FBXL7: variants seen among roughly 807,000 people sequenced by gnomAD.
The protein encoded by FBXL7 is F-box/LRR-repeat protein 7.
A neutral mutation model predicts 38.3 loss-of-function variants in FBXL7; 12 were observed. The observed-to-expected ratio is 0.31, with a 90% CI of 0.20 to 0.51. FBXL7 has a LOEUF of 0.51. Ranked by LOEUF, FBXL7 falls within the 20% of genes least tolerant of loss-of-function variation. The pLI, the probability that FBXL7 is intolerant of heterozygous loss-of-function variation, is 0.98. For synonymous variants in FBXL7, 297 were observed against 300.9 expected (o/e 0.99, Z 0.13); for missense variants, 567 against 676.4 (o/e 0.84, Z 1.79).
chr5:15,570,275 AT>A (rs1738730376), intron 1 of FBXL7, among the ~76,000 whole-genome samples: 1 of 152,088 alleles, frequency 6.6e-6, no homozygotes, highest in Non-Finnish European at 1.5e-5. Flanking sequence ...AGAGCCTGTT[AT>A]TGGTCTATTC....
At chr5:15,558,619 A>G (rs891984615) in intron 1 of FBXL7, among the ~76,000 whole-genome samples, 1 of 152,246 alleles carries the variant, frequency 6.6e-6, no homozygotes, top group African/African-American at 2.4e-5. Context: ...TTCCTAAATA[A>G]ACTGGAGCTG....
At chr5:15,686,083 G>C (rs1311398301) in intron 2 of FBXL7, among the ~76,000 whole-genome samples, 1 of 152,126 alleles carries the variant, frequency 6.6e-6, no homozygotes, top group Non-Finnish European at 1.5e-5. Context: ...TTGGACTTCA[G>C]GGTCTATGCA....
intron 2 of FBXL7, among the ~76,000 whole-genome samples, chr5:15,722,550 A>G (rs1744227250): frequency 6.6e-6 from 1 of 152,158 alleles, no homozygotes; most frequent in Non-Finnish European, 1.5e-5. Context: ...AGTGCAGTGG[A>G]ACACATCCTC....
intron 1 of FBXL7, among the ~76,000 whole-genome samples, chr5:15,596,528 T>C (rs1448862881): frequency 2.0e-5 from 3 of 152,170 alleles, no homozygotes; most frequent in Non-Finnish European, 2.9e-5. Flanking sequence ...GGTAAGGCAC[T>C]TGAAAAGTAA....
chr5:15,920,204 C>CCAAGATTG (rs1430282266), intron 2 of FBXL7, among the ~76,000 whole-genome samples: 1 of 151,944 alleles, frequency 6.6e-6, no homozygotes, highest in Non-Finnish European at 1.5e-5. Context: ...TTGCAGTGAG[C>CCAAGATTG]CAAGATTGCA....
At position 15,928,383 on chromosome 5, in the gene FBXL7, C is replaced by T. The variant is rs372355050; in HGVS notation, c.621C>T (p.Ile207=). ...RRLTDRGLYT[I]AQCCPELRRL... ...TCACAGACCGAGGGCTGTACACCAT[C>T]GCCCAGTGCTGCCCCGAACTGAGGC... The change falls in exon 3 of 4, where the codon ATC becomes ATT. Residue 207 remains isoleucine, a synonymous_variant. Transcript: ENST00000504595. The surrounding 1 kb of genome is among the most constrained non-coding windows in gnomAD (Gnocchi z 4.0). 152 of 1,613,952 alleles carry T rather than the reference C, an allele frequency of 9.4e-5. No individual in the cohort carries two copies. The highest frequency in any genetic ancestry group is 1.2e-4 in the Non-Finnish European group (145 of 1,179,912).
intron 1 of FBXL7, among the ~76,000 whole-genome samples, chr5:15,557,149 AG>A (rs1173124468): frequency 6.6e-6 from 1 of 152,208 alleles, no homozygotes; most frequent in African/African-American, 2.4e-5. Flanking sequence ...CATGTTAGCC[AG>A]GATGGTCTCC....
At chr5:15,840,623 T>A (rs902829924) in intron 2 of FBXL7, among the ~76,000 whole-genome samples, 1 of 152,004 alleles carries the variant, frequency 6.6e-6, no homozygotes, top group Non-Finnish European at 1.5e-5. Flanking sequence ...CCGAGCCAGG[T>A]GGATCACGAG....
chr5:15,699,336 C>T (rs775070280), intron 2 of FBXL7, among the ~76,000 whole-genome samples: 2 of 152,130 alleles, frequency 1.3e-5, no homozygotes, highest in African/African-American at 2.4e-5. Context: ...CTGTGGGTAG[C>T]GACCTTCCCT....
Position 15,849,736 on chromosome 5 carries a change from C to T in FBXL7, c.128-78154C>T, listed in dbSNP as rs115876719. Among the ~76,000 whole-genome samples the T allele has an allele frequency of 8.7e-3, 1,329 of 152,236 alleles. 21 individuals carry two copies. The highest frequency in any genetic ancestry group is 0.03 in the African/African-American group (1,265 of 41,542). On this transcript the variant is annotated intron_variant, in intron 2 of 3. Transcript: ENST00000504595. Reference sequence around the variant, plus strand: ...AAGACATCCCTACAAATTCAAAATGCAAATTTTCATGTTTGTTTTTAACTT... The same window carrying T: ...AAGACATCCCTACAAATTCAAAATGTAAATTTTCATGTTTGTTTTTAACTT...
At chr5:15,811,292 A>G (rs922909925) in intron 2 of FBXL7, among the ~76,000 whole-genome samples, 4 of 152,112 alleles carry the variant, frequency 2.6e-5, no homozygotes, top group Non-Finnish European at 5.9e-5. Context: ...ATGGAAATGT[A>G]TTTTCTCACA....
chr5:15,853,671 A>T (rs1739168832), intron 2 of FBXL7, among the ~76,000 whole-genome samples: 2 of 152,162 alleles, frequency 1.3e-5, no homozygotes, highest in South Asian at 4.1e-4. Context: ...GCATGCTCTG[A>T]CTTGAGAAGA....
intron 1 of FBXL7, among the ~76,000 whole-genome samples, chr5:15,580,050 C>A (rs1168378583): frequency 6.6e-6 from 1 of 152,068 alleles, no homozygotes; most frequent in Non-Finnish European, 1.5e-5. Flanking sequence ...TAAGCTCTAA[C>A]CCCCAAGAGG....
chr5:15,859,770 G>A (rs183248721), intron 2 of FBXL7, among the ~76,000 whole-genome samples: 10 of 152,226 alleles, frequency 6.6e-5, no homozygotes, highest in Non-Finnish European at 1.0e-4. Flanking sequence ...GATGAGATTC[G>A]GGTGAGGACA....
intron 2 of FBXL7, among the ~76,000 whole-genome samples, chr5:15,758,307 A>G (rs965338527): frequency 6.6e-6 from 1 of 150,468 alleles, no homozygotes; most frequent in Non-Finnish European, 1.5e-5. Context: ...TTTATAAACA[A>G]GGGCATTTTT....
At chr5:15,500,793 G>A in intron 1 of FBXL7, 80 bp downstream of exon 1, 1 of 1,535,878 alleles carries the variant, frequency 6.5e-7, no homozygotes, top group Non-Finnish European at 8.9e-7. Flanking sequence ...GGGAAGGGAG[G>A]TTCTCGCCCG....
At chr5:15,630,030 CAGAATAGA>C (rs1740947700) in intron 2 of FBXL7, among the ~76,000 whole-genome samples, 1 of 152,106 alleles carries the variant, frequency 6.6e-6, no homozygotes, top group East Asian at 1.9e-4. Context: ...CAACTTTAAG[CAGAATAGA>C]TACTTTGAAA....
intron 2 of FBXL7, among the ~76,000 whole-genome samples, chr5:15,715,985 G>A (rs917403349): frequency 1.3e-5 from 2 of 152,214 alleles, no homozygotes; most frequent in African/African-American, 4.8e-5. Context: ...AAATGGTAGT[G>A]CTAAATTACA....
At chr5:15,644,826 A>C (rs1439561683) in intron 2 of FBXL7, among the ~76,000 whole-genome samples, 1 of 152,188 alleles carries the variant, frequency 6.6e-6, no homozygotes, top group Non-Finnish European at 1.5e-5. Flanking sequence ...GGAGGAGAGC[A>C]GTTGCCACCC....
Sources: allele counts gnomAD v4.1 joint callset (sites outside exome capture counted in the v4.1 genomes callset), GRCh38; gene constraint gnomAD v4.1.1; non-coding constraint Gnocchi (gnomAD v3.1); transcripts MANE v1.5; gene names NCBI Gene and HGNC (gene_info 2026-07-23, HGNC 2026-07-21).